The following TTLL7 variants were observed in gnomAD, a reference collection of about 807,000 sequenced individuals.
TTLL7 encodes the protein tubulin polyglutamylase TTLL7.
In TTLL7, 53 loss-of-function variants were observed where a neutral mutation model predicts 120.2. The observed-to-expected ratio is 0.44, with a 90% CI of 0.35 to 0.55. TTLL7 has a LOEUF of 0.55. Among genes scored for constraint, TTLL7 ranks in the 20% least tolerant of loss-of-function variants. TTLL7 has a pLI of 0.00. For synonymous variants in TTLL7, 353 were observed against 351.7 expected, an observed-to-expected ratio of 1.00 and a Z score of -0.04; for missense variants, 803 against 1,054.7, an observed-to-expected ratio of 0.76 and a Z score of 3.31.
At chr1:83,985,843 C>G (rs1652391953) in intron 1 of TTLL7, among the ~76,000 whole-genome samples, 2 of 152,124 alleles carry the variant, frequency 1.3e-5, no homozygotes, top group Non-Finnish European at 2.9e-5. Context: ...AAAACACAAA[C>G]TGCCCAATCT....
chr1:83,890,185 G>T (rs1055674898), intron 19 of TTLL7, 136 bp downstream of exon 19: 25 of 822,596 alleles, frequency 3.0e-5, no homozygotes, highest in Admixed American at 1.4e-4. Context: ...ATAAATTATA[G>T]TTGAGTACTA....
chr1:83,952,971 T>C (rs1353350302), intron 1 of TTLL7, among the ~76,000 whole-genome samples: 1 of 152,162 alleles, frequency 6.6e-6, no homozygotes, highest in Non-Finnish European at 1.5e-5. Context: ...GGTCACATGT[T>C]GACAGAATGC....
rs111703017 is a variant in TTLL7 at position 83,904,594 on chromosome 1, C to T, written c.2128-435G>A. 2.5e-3 allele frequency among the ~76,000 whole-genome samples: 377 copies of T among 152,136 alleles called. 3 individuals carry two copies. The highest frequency in any genetic ancestry group is 8.8e-3 in the African/African-American group (364 of 41,530). On this transcript the variant is annotated intron_variant, in intron 17 of 20. Transcript: ENST00000260505. ...AGGTTGCAGTGAGCTGAGATTATACCACTGCACTCCAGCCTGGGCAACAGA... is the reference window on the plus strand; with the variant it reads ...AGGTTGCAGTGAGCTGAGATTATACTACTGCACTCCAGCCTGGGCAACAGA...
At chr1:83,980,761 A>G (rs1056846153) in intron 1 of TTLL7, 2 of 152,216 alleles carry the variant, frequency 1.3e-5, no homozygotes, top group African/African-American at 2.4e-5. Flanking sequence ...CAATTCTTTA[A>G]TAATATTTTA....
chr1:83,899,125 T>A (rs561021205), intron 18 of TTLL7, among the ~76,000 whole-genome samples: 5 of 152,038 alleles, frequency 3.3e-5, no homozygotes, highest in Admixed American at 1.3e-4. Flanking sequence ...AAGCTCCTTA[T>A]ATTAAAGTAG....
At chr1:83,870,584 CTT>C (rs1189555396) in intron 20 of TTLL7, among the ~76,000 whole-genome samples, 1 of 152,060 alleles carries the variant, frequency 6.6e-6, no homozygotes, top group Non-Finnish European at 1.5e-5. Context: ...ATTTTATATT[CTT>C]TGACCATAGA....
chr1:83,883,040 G>A lies in TTLL7; in HGVS notation c.2466C>T (p.Cys822=), dbSNP rs1481888386. 1.2e-5 allele frequency: 20 copies of A among 1,612,694 alleles called. No individual in the cohort carries two copies. The highest frequency in any genetic ancestry group is 1.7e-5 in the Non-Finnish European group (20 of 1,179,188). ...TTGCATATTTGTAAACCACTAGCAGGCACTGTTTACAAAGCTCCACTAGGC... is the reference window on the plus strand; with the variant it reads ...TTGCATATTTGTAAACCACTAGCAGACACTGTTTACAAAGCTCCACTAGGC... ...CQRLVELCKQ[C]LLVVYKYATD... is the part of the protein sequence containing the mutation. The change falls in exon 20 of 21, where the codon TGC becomes TGT. Residue 822 remains cysteine (C), a synonymous_variant. Coordinates refer to ENST00000260505, the MANE Select transcript of TTLL7 (RefSeq NM_024686.6).
chr1:83,981,885 A>C (rs1321545430), intron 1 of TTLL7, among the ~76,000 whole-genome samples: 4 of 152,214 alleles, frequency 2.6e-5, no homozygotes, highest in South Asian at 2.1e-4. Flanking sequence ...CCCCATTCTC[A>C]GCAATTAATA....
chr1:83,968,937 A>C (rs2100563229), intron 1 of TTLL7, among the ~76,000 whole-genome samples: 1 of 152,048 alleles, frequency 6.6e-6, no homozygotes. Context: ...TATACACAAA[A>C]CTGTAATTTT....
intron 1 of TTLL7, among the ~76,000 whole-genome samples, chr1:83,988,294 G>A (rs759927222): frequency 2.6e-5 from 4 of 152,140 alleles, no homozygotes; most frequent in South Asian, 2.1e-4. Context: ...ATGGCACCTC[G>A]GTTGATTTCA....
Position 83,963,019 on chromosome 1 carries a change from G to A in TTLL7, c.-176-10632C>T, listed in dbSNP as rs932905267. On this transcript the variant is annotated intron_variant, in intron 1 of 20. Coordinates refer to ENST00000260505, the MANE Select transcript of TTLL7 (RefSeq NM_024686.6). ...ACATAGCCTAAACACAAAGTCAATG[G>A]CACAATGACTTTGGACATTTATCAT... 3.3e-5 allele frequency among the ~76,000 whole-genome samples: 5 copies of A among 152,002 alleles called. No homozygotes were observed. In the East Asian group the frequency reaches 9.6e-4, roughly 29 times the overall value.
intron 1 of TTLL7, among the ~76,000 whole-genome samples, chr1:83,976,866 GA>G (rs1557782879): frequency 6.6e-6 from 1 of 150,758 alleles, no homozygotes; most frequent in African/African-American, 2.4e-5. Flanking sequence ...AATGGTAATG[GA>G]AAAAAATTTT....
chr1:83,918,837 T>G (rs1400819338), intron 13 of TTLL7, among the ~76,000 whole-genome samples: 1 of 152,148 alleles, frequency 6.6e-6, no homozygotes, highest in Non-Finnish European at 1.5e-5. Context: ...CATTTTCTTC[T>G]TTGGGGTCAT....
chr1:83,953,723 A>C (rs1412084025), intron 1 of TTLL7, among the ~76,000 whole-genome samples: 7 of 152,184 alleles, frequency 4.6e-5, no homozygotes, highest in Non-Finnish European at 8.8e-5. Context: ...AAACAAATCA[A>C]GGTAACATGG....
intron 20 of TTLL7, among the ~76,000 whole-genome samples, chr1:83,872,465 C>T (rs1450104641): frequency 6.6e-6 from 1 of 152,134 alleles, no homozygotes; most frequent in Non-Finnish European, 1.5e-5. Flanking sequence ...CTATCTAGGG[C>T]AAAGTTGCAA....
At chr1:83,874,779 G>A (rs1236727367) in intron 20 of TTLL7, among the ~76,000 whole-genome samples, 1 of 151,892 alleles carries the variant, frequency 6.6e-6, no homozygotes, top group African/African-American at 2.4e-5. Context: ...TATGGATTTG[G>A]ATAAGCCTCA....
At chr1:83,944,791 TGC>T (rs1454699197) in intron 6 of TTLL7, among the ~76,000 whole-genome samples, 1 of 152,196 alleles carries the variant, frequency 6.6e-6, no homozygotes, top group African/African-American at 2.4e-5. Context: ...AAAAGACAAC[TGC>T]ATAAAACAAT....
intron 1 of TTLL7, among the ~76,000 whole-genome samples, chr1:83,983,589 C>T (rs1557801026): frequency 1.3e-5 from 2 of 152,122 alleles, no homozygotes; most frequent in Non-Finnish European, 2.9e-5. Context: ...TGCCCAAATG[C>T]AACTGCAACA....
intron 14 of TTLL7, among the ~76,000 whole-genome samples, chr1:83,913,863 A>G (rs1657876804): frequency 6.6e-6 from 1 of 152,200 alleles, no homozygotes; most frequent in Non-Finnish European, 1.5e-5. Context: ...GGAAAATATA[A>G]GACAATATAA....
Sources: allele counts gnomAD v4.1 joint callset (sites outside exome capture counted in the v4.1 genomes callset), GRCh38; gene constraint gnomAD v4.1.1; transcripts MANE v1.5; gene names NCBI Gene and HGNC (gene_info 2026-07-23, HGNC 2026-07-21).